DGKB: variants seen among roughly 807,000 people sequenced by gnomAD.
DGKB encodes diacylglycerol kinase beta.
A neutral mutation model predicts 114.3 loss-of-function variants in DGKB; 67 were observed. That is an observed-to-expected ratio of 0.59 (90% CI 0.48 to 0.72). The LOEUF (loss-of-function observed/expected upper bound fraction) is 0.72. Ranked by LOEUF, DGKB falls within the 30% of genes least tolerant of loss-of-function variation. The pLI, the probability that DGKB is intolerant of heterozygous loss-of-function variation, is 0.00. For missense variants in DGKB, 907 were observed against 975.2 expected (o/e 0.93, Z 0.93); for synonymous variants, 398 against 323.1 (o/e 1.23, Z -2.49).
intron 2 of DGKB, among the ~76,000 whole-genome samples, chr7:14,782,060 T>A (rs894991369): frequency 6.6e-6 from 1 of 152,158 alleles, no homozygotes; most frequent in African/African-American, 2.4e-5. Flanking sequence ...AATCTTGTTG[T>A]CTCTCCCAGG....
intron 22 of DGKB, among the ~76,000 whole-genome samples, chr7:14,339,224 A>G (rs1037498297): frequency 6.7e-6 from 1 of 148,316 alleles, no homozygotes; most frequent in African/African-American, 2.4e-5. Context: ...AAAAAAAAGT[A>G]AAATTCAAAG....
At chr7:14,245,647 G>A (rs1244431265) in intron 23 of DGKB, among the ~76,000 whole-genome samples, 1 of 152,094 alleles carries the variant, frequency 6.6e-6, no homozygotes, top group East Asian at 1.9e-4. Context: ...CATGATTTCT[G>A]CCAGGCGAGA....
intron 23 of DGKB, among the ~76,000 whole-genome samples, chr7:14,310,021 C>T (rs554678633): frequency 2.6e-5 from 4 of 152,204 alleles, no homozygotes; most frequent in African/African-American, 9.6e-5. Flanking sequence ...TAGGATGGTA[C>T]CTGGAAAATT....
intron 1 of DGKB, among the ~76,000 whole-genome samples, chr7:14,901,006 C>A (rs888965532): frequency 2.0e-5 from 3 of 152,066 alleles, no homozygotes; most frequent in African/African-American, 7.2e-5. Context: ...TTTTTAACCA[C>A]CCTCATGTAT....
Position 14,915,615 on chromosome 7 carries a change from C to A in DGKB, c.-188+59081G>T, listed in dbSNP as rs1784204830. On this transcript the variant is annotated intron_variant, in intron 1 of 4. Transcript: ENST00000437998. ...TAGAAGAACAAGAATAAGAATTACA[C>A]TGTGCCTCTAATCAGAAACAATGCA... Among the ~76,000 whole-genome samples, 3 of 152,084 alleles carry A rather than the reference C, an allele frequency of 2.0e-5. No individual in the cohort carries two copies. In the South Asian group the frequency reaches 6.2e-4, roughly 32 times the overall value.
chr7:14,712,633 T>C (rs900683787), intron 6 of DGKB, among the ~76,000 whole-genome samples: 1 of 151,920 alleles, frequency 6.6e-6, no homozygotes, highest in African/African-American at 2.4e-5. Context: ...ACTGTGCCAC[T>C]GCACTCCAGC....
chr7:14,176,435 A>C (rs2128243371), intron 25 of DGKB: 2 of 987,364 alleles, frequency 2.0e-6, no homozygotes, highest in African/African-American at 1.7e-5. Context: ...AGGCATAGAA[A>C]AGCTGAGAAA....
In DGKB at chr7:14,630,251, T is replaced by C; in HGVS notation, c.1152A>G (p.Gly384=). The change falls in exon 14 of 26, where the codon GGA becomes GGG. Residue 384 remains glycine, a synonymous_variant. Transcript: ENST00000402815. The part of the protein sequence containing the change: ...CPVVLTLPTS[G]VSVPEERQST... The stretch of plus-strand genomic sequence containing the variant: ...GCTTACGCACCTCAGGAACTGAAAC[T>C]CCTGAAGTGGGCAGAGTCTGCTGAA... 6.4e-7 allele frequency: 1 copy of C among 1,560,292 alleles called. No individual in the cohort carries two copies. Among genetic ancestry groups the C allele is most frequent in the Non-Finnish European group, 8.7e-7 (1 of 1,152,148 alleles).
chr7:14,920,430 T>G (rs185658437), intron 1 of DGKB, among the ~76,000 whole-genome samples: 12 of 152,282 alleles, frequency 7.9e-5, no homozygotes, highest in African/African-American at 2.6e-4. Flanking sequence ...TAACTGCAAA[T>G]TATAAGAACA....
At chr7:14,339,944 CAAACA>C (rs908070536) in intron 22 of DGKB, among the ~76,000 whole-genome samples, 3 of 151,516 alleles carry the variant, frequency 2.0e-5, no homozygotes, top group African/African-American at 7.3e-5. Context: ...TGATGAAAAA[CAAACA>C]AAACAAAACA....
chr7:14,354,704 T>C (rs1313315323), intron 21 of DGKB, among the ~76,000 whole-genome samples: 4 of 152,220 alleles, frequency 2.6e-5, no homozygotes. Flanking sequence ...TGAAATTCCA[T>C]AGTTACCAAG....
At chr7:14,501,505 G>T (rs1786172599) in intron 20 of DGKB, among the ~76,000 whole-genome samples, 1 of 151,934 alleles carries the variant, frequency 6.6e-6, no homozygotes, top group South Asian at 2.1e-4. Context: ...ACTGTGAGAA[G>T]GCAGCAGGTG....
rs200736502 is a variant in DGKB at position 14,338,717 on chromosome 7, G to A, written c.1927-7C>T. ...CTATCTGTACTCCATCACACTGATC[G>A]GTAAAAAGAAAGAAACAGAAACGGA... is the stretch of plus-strand genomic sequence containing the variant. On this transcript the variant is annotated splice_polypyrimidine_tract_variant and splice_region_variant and intron_variant, in intron 22 of 25. Transcript: ENST00000402815. The A allele has an allele frequency of 1.4e-5, 20 of 1,411,364 alleles. No individual in the cohort carries two copies. In the African/African-American group the frequency reaches 2.2e-4, roughly 16 times the overall value. 87.4% of individuals were successfully genotyped at this position (1,411,364 alleles called of 1,614,324 possible). A position where few individuals can be genotyped will look rare whatever the true frequency, so the allele number is the denominator to read the frequency against.
At chr7:14,227,809 G>A (rs911988144) in intron 23 of DGKB, among the ~76,000 whole-genome samples, 1 of 152,048 alleles carries the variant, frequency 6.6e-6, no homozygotes, top group African/African-American at 2.4e-5. Flanking sequence ...CACTTAAGAT[G>A]TGGAATTTTA....
chr7:14,638,310 T>A (rs933790143), intron 13 of DGKB, among the ~76,000 whole-genome samples: 1 of 152,184 alleles, frequency 6.6e-6, no homozygotes, highest in African/African-American at 2.4e-5. Context: ...TGGTATCCAC[T>A]AACATTTCCT....
chr7:14,235,629 G>A (rs1257904879), intron 23 of DGKB, among the ~76,000 whole-genome samples: 1 of 152,016 alleles, frequency 6.6e-6, no homozygotes, highest in Non-Finnish European at 1.5e-5. Flanking sequence ...TATAATATTT[G>A]CTTAGAGTGT....
chr7:14,367,097 A>G (rs1816804198), intron 21 of DGKB, among the ~76,000 whole-genome samples: 1 of 152,138 alleles, frequency 6.6e-6, no homozygotes, highest in Admixed American at 6.6e-5. Context: ...GATGCCAGGC[A>G]GTAGCAGTGA....
At chr7:14,883,252 T>A (rs1854515752) in intron 1 of DGKB, among the ~76,000 whole-genome samples, 1 of 151,958 alleles carries the variant, frequency 6.6e-6, no homozygotes, top group African/African-American at 2.4e-5. Flanking sequence ...TATACACATA[T>A]ACAATATATA....
At chr7:14,705,923 C>T (rs1481354823) in intron 6 of DGKB, among the ~76,000 whole-genome samples, 5 of 147,898 alleles carry the variant, frequency 3.4e-5, no homozygotes, top group Admixed American at 6.8e-5. Context: ...AGCAAAATCA[C>T]CAGCTAACAT....
Sources: gnomAD v4.1 joint callset for allele counts (sites outside exome capture counted in the v4.1 genomes callset) on GRCh38, gnomAD v4.1.1 for gene constraint, MANE v1.5 for transcripts, NCBI Gene and HGNC (gene_info 2026-07-23, HGNC 2026-07-21) for gene names.